Variants in RASSF2 observed in about 807,000 individuals in gnomAD.
The protein encoded by RASSF2 is ras association domain-containing protein 2.
Under a neutral mutation model 46.3 loss-of-function variants are expected in RASSF2, and 34 were observed. The observed-to-expected ratio is 0.73, with a 90% CI of 0.56 to 0.98. RASSF2 has a LOEUF of 0.98. Among genes scored for constraint, RASSF2 ranks in the 50% least tolerant of loss-of-function variants. The pLI, the probability that RASSF2 is intolerant of heterozygous loss-of-function variation, is 0.00. For synonymous variants in RASSF2, 158 were observed against 162.5 expected, an observed-to-expected ratio of 0.97 and a Z score of 0.21; for missense variants, 364 against 431.2, an observed-to-expected ratio of 0.84 and a Z score of 1.38.
intron 11 of RASSF2, among the ~76,000 whole-genome samples, chr20:4,784,592 C>CAAAAAAAAAAAAAAAAAAAAAAAAA (rs71197728): frequency 1.1e-5 from 1 of 89,864 alleles, no homozygotes; most frequent in Non-Finnish European, 2.2e-5. Flanking sequence ...AACATCTAGC[C>CAAAAAAAAAAAAAAAAAAAAAAAAA]AAAAAAAAAA....
rs1244239659 is a variant in RASSF2 at position 4,790,507 on chromosome 20, G to C, written c.481C>G (p.Gln161Glu). ...AAGCGGTGGCGTCTGATTCGCCGCT[G>C]GTCACTAGGCGTCCTCACATTGCCA... ...RRGNVRTPSDQRRIRRHRFSI... is the reference protein window; with the variant it reads ...RRGNVRTPSDERRIRRHRFSI... The change falls in exon 7 of 12, where the codon CAG (glutamine) becomes GAG (glutamate). Residue 161 changes from glutamine to glutamate, a missense_variant. Physicochemically the swap from Gln to Glu is conservative, Grantham distance 29. Transcript: ENST00000379400. The surrounding 1 kb of genome is among the most constrained non-coding windows in gnomAD (Gnocchi z 4.3). The C allele has an allele frequency of 2.6e-6, 4 of 1,530,178 alleles. No individual in the cohort carries two copies. Among genetic ancestry groups the C allele is most frequent in the African/African-American group, 1.4e-5 (1 of 69,396 alleles). The allele number at this position is 1,530,178 out of a possible 1,614,324, so 94.8% of individuals were successfully genotyped here. A position where few individuals can be genotyped will look rare whatever the true frequency, so the allele number is the denominator to read the frequency against.
At chr20:4,785,559 C>T (rs16990199) in intron 11 of RASSF2, among the ~76,000 whole-genome samples, 3,923 of 152,234 alleles carry the variant, frequency 0.026, 133 homozygotes, top group East Asian at 0.11. Context: ...CAGAAAGCCG[C>T]TTTATTTTTC....
chr20:4,806,517 T>C (rs2122602707), intron 2 of RASSF2, among the ~76,000 whole-genome samples: 1 of 152,292 alleles, frequency 6.6e-6, no homozygotes, highest in Non-Finnish European at 1.5e-5. Flanking sequence ...CCATCATAGC[T>C]CACTGCAGCC....
In RASSF2 at chr20:4,790,208, C is replaced by T. The variant is rs1340594730; in HGVS notation, c.537+243G>A. 1.3e-5 allele frequency among the ~76,000 whole-genome samples: 2 copies of T among 152,178 alleles called. No homozygotes were observed. The highest frequency in any genetic ancestry group is 4.8e-5 in the African/African-American group (2 of 41,434). On this transcript the variant is annotated intron_variant, in intron 7 of 11. Coordinates refer to ENST00000379400, the MANE Select transcript of RASSF2 (RefSeq NM_014737.3). The surrounding 1 kb of genome is among the most constrained non-coding windows in gnomAD (Gnocchi z 4.3). ...TACAGCAGGGACTGCTTTGTACAGC[C>T]CCACTGAATTCACCCACCACCTTAA... is the stretch of plus-strand genomic sequence containing the variant.
chr20:4,786,969 G>C (rs1601082866), intron 10 of RASSF2, among the ~76,000 whole-genome samples: 1 of 151,834 alleles, frequency 6.6e-6, no homozygotes, highest in East Asian at 1.9e-4. Flanking sequence ...TGTGGTCCCA[G>C]CTACGCAGGG....
chr20:4,804,305 T>C (rs1196177546), intron 2 of RASSF2, among the ~76,000 whole-genome samples: 1 of 149,564 alleles, frequency 6.7e-6, no homozygotes, highest in Non-Finnish European at 1.5e-5. Context: ...AGTACACATG[T>C]AACGCGCAAA....
At position 4,797,992 on chromosome 20, in the gene RASSF2, T is replaced by C. The variant is rs1430885204; in HGVS notation, c.135+18A>G. ...GCCCTGGACTAGCCAATCAGGGCCG[T>C]CCCTGGGGACTCCTTACCTCCCGGT... On this transcript the variant is annotated intron_variant, in intron 4 of 11. Transcript: ENST00000379400. The C allele has an allele frequency of 1.2e-6, 2 of 1,613,288 alleles. No homozygotes were observed. The highest frequency in any genetic ancestry group is 1.7e-6 in the Non-Finnish European group (2 of 1,179,740).
Position 4,790,416 on chromosome 20 carries a change from G to T in RASSF2, c.537+35C>A. 1 of 1,423,828 alleles carries T rather than the reference G, an allele frequency of 7.0e-7. No individual in the cohort carries two copies. The highest frequency in any genetic ancestry group is 9.2e-7 in the Non-Finnish European group (1 of 1,086,590). 88.2% of individuals were successfully genotyped at this position (1,423,828 alleles called of 1,614,324 possible). The stretch of plus-strand genomic sequence containing the variant: ...TGAGGTGGCATCTACCCAGGAAGAG[G>T]TCTTCCACCCTCCCCGTCCCCCTGT... On this transcript the variant is annotated intron_variant, in intron 7 of 11. Coordinates refer to ENST00000379400, the MANE Select transcript of RASSF2 (RefSeq NM_014737.3). The surrounding 1 kb of genome is among the most constrained non-coding windows in gnomAD (Gnocchi z 4.3).
Position 4,784,054 on chromosome 20 carries a change from T to G in RASSF2, c.*219A>C. 1 of 583,894 alleles carries G rather than the reference T, an allele frequency of 1.7e-6. No homozygotes were observed. The allele number at this position is 583,894 out of a possible 1,614,324, so 36.2% of individuals were successfully genotyped here. ...TTTTGGGTCCTCCTTATAACTAAAA[T>G]CAAAAGTCCTTGTGAGCAGAAAAAA... is the stretch of plus-strand genomic sequence containing the variant. On this transcript the variant is annotated 3_prime_UTR_variant, in exon 12 of 12. Coordinates refer to ENST00000379400, the MANE Select transcript of RASSF2 (RefSeq NM_014737.3).
At position 4,790,866 on chromosome 20, in the gene RASSF2, CCT is replaced by C. The variant is rs1925814856; in HGVS notation, c.377-257_377-256del. ...CTCCATGATTGCCATATATCACTAACCTCTCTGTGCCTCGGTGCTTTTATATA... is the reference window on the plus strand; with the variant it reads ...CTCCATGATTGCCATATATCACTAACCTCTGTGCCTCGGTGCTTTTATATA... On this transcript the variant is annotated intron_variant, in intron 6 of 11. Coordinates refer to ENST00000379400, the MANE Select transcript of RASSF2 (RefSeq NM_014737.3). This position sits in a 1 kb window ranked among gnomAD's most constrained non-coding sequence, Gnocchi z 4.3. Among the ~76,000 whole-genome samples, 1 of 152,192 alleles carries C rather than the reference CCT, an allele frequency of 6.6e-6. No homozygotes were observed. Among genetic ancestry groups the C allele is most frequent in the African/African-American group, 2.4e-5 (1 of 41,442 alleles).
chr20:4,793,474 G>C (rs762440636), intron 5 of RASSF2, among the ~76,000 whole-genome samples: 14 of 152,114 alleles, frequency 9.2e-5, no homozygotes, highest in Non-Finnish European at 1.6e-4. Context: ...AAATCTGAAA[G>C]AACTTCCTAT....
rs1475908613 is a variant in RASSF2 at position 4,786,328 on chromosome 20, C to T, written c.814G>A (p.Val272Met). The change falls in exon 11 of 12, where the codon GTG (valine) becomes ATG (methionine). Residue 272 changes from valine to methionine, a missense_variant and splice_region_variant. Coordinates refer to ENST00000379400, the MANE Select transcript of RASSF2 (RefSeq NM_014737.3). ...KDQVEEVTYD[V>M]AQYIKFEMPV... ...ATCTCGAACTTTATATACTGGGCCA[C>T]CTAGAGAGAAAGAAGCAAGTCTGGG... 6.3e-7 allele frequency: 1 copy of T among 1,598,758 alleles called. No homozygotes were observed. Among genetic ancestry groups the T allele is most frequent in the African/African-American group, 1.3e-5 (1 of 74,656 alleles).
intron 2 of RASSF2, among the ~76,000 whole-genome samples, chr20:4,816,632 T>G (rs1388988908): frequency 6.6e-6 from 1 of 152,182 alleles, no homozygotes; most frequent in Non-Finnish European, 1.5e-5. Flanking sequence ...ATGCGTACTT[T>G]GCCACAATAA....
At chr20:4,815,543 CA>C (rs1374239251) in intron 2 of RASSF2, among the ~76,000 whole-genome samples, 2 of 152,212 alleles carry the variant, frequency 1.3e-5, no homozygotes, top group Non-Finnish European at 2.9e-5. Context: ...TGGGCACACA[CA>C]AAGGATGCTT....
At chr20:4,791,518 T>C (rs1415747103) in intron 6 of RASSF2, among the ~76,000 whole-genome samples, 1 of 152,238 alleles carries the variant, frequency 6.6e-6, no homozygotes, top group Non-Finnish European at 1.5e-5. Context: ...TGTCTATCCT[T>C]GTATGTGTAT....
intron 2 of RASSF2, among the ~76,000 whole-genome samples, chr20:4,802,474 A>C (rs1216775922): frequency 6.6e-6 from 1 of 152,236 alleles, no homozygotes; most frequent in Non-Finnish European, 1.5e-5. Context: ...ATACGCATCC[A>C]GTGGAATATT....
At chr20:4,806,461 T>C (rs1351918376) in intron 2 of RASSF2, among the ~76,000 whole-genome samples, 1 of 152,210 alleles carries the variant, frequency 6.6e-6, no homozygotes, top group African/African-American at 2.4e-5. Context: ...GTTCTTTTTT[T>C]TGAGACGGTG....
At chr20:4,791,327 A>G (rs6052878) in intron 6 of RASSF2, among the ~76,000 whole-genome samples, 13,491 of 152,202 alleles carry the variant, frequency 0.089, 848 homozygotes, top group African/African-American at 0.17. Flanking sequence ...AGAGTTCTGG[A>G]GATGGATGGT....
At chr20:4,813,465 G>A (rs529558455) in intron 2 of RASSF2, among the ~76,000 whole-genome samples, 68 of 152,294 alleles carry the variant, frequency 4.5e-4, no homozygotes, top group African/African-American at 1.4e-3. Flanking sequence ...CCTGCCTCCA[G>A]CTCCACCCCA....
Sources: gnomAD v4.1 joint callset for allele counts (sites outside exome capture counted in the v4.1 genomes callset) on GRCh38, gnomAD v4.1.1 for gene constraint, Gnocchi (gnomAD v3.1) non-coding constraint, MANE v1.5 for transcripts, NCBI Gene and HGNC (gene_info 2026-07-23, HGNC 2026-07-21) for gene names.